Variants in DSCAML1 observed in about 807,000 individuals in gnomAD.
DSCAML1 encodes the protein DS cell adhesion molecule like 1.
A neutral mutation model predicts 200.5 loss-of-function variants in DSCAML1; 38 were observed. The ratio of observed to expected loss-of-function variants is 0.19; its 90% confidence interval spans 0.15 to 0.25. DSCAML1 has a LOEUF of 0.25. DSCAML1 is among the 10% of genes least tolerant of loss of function. The probability of loss-of-function intolerance (pLI) is 1.00; values close to 1 mark genes in which losing one functional copy is unlikely to be tolerated. For missense variants in DSCAML1, 2,223 were observed against 2,858.8 expected (o/e 0.78, Z 5.07); for synonymous variants, 1,215 against 1,165.0 (o/e 1.04, Z -0.87).
intron 3 of DSCAML1, among the ~76,000 whole-genome samples, chr11:117,691,834 A>G (rs1196829621): frequency 6.6e-6 from 1 of 152,032 alleles, no homozygotes; most frequent in Admixed American, 6.5e-5. Context: ...CATTTCCACA[A>G]GCTCTGGCTT....
At chr11:117,497,905 C>T (rs1270518927) in intron 11 of DSCAML1, among the ~76,000 whole-genome samples, 3 of 152,262 alleles carry the variant, frequency 2.0e-5, no homozygotes, top group African/African-American at 7.2e-5. Context: ...CTGCTGCTTG[C>T]AGATGCAGCA....
At chr11:117,509,579 C>G (rs2049577730) in intron 8 of DSCAML1, among the ~76,000 whole-genome samples, 1 of 152,192 alleles carries the variant, frequency 6.6e-6, no homozygotes, top group African/African-American at 2.4e-5. Context: ...ACACACCGGG[C>G]AGCCTGGAGG....
chr11:117,720,006 G>C (rs893743694), intron 3 of DSCAML1, among the ~76,000 whole-genome samples: 1 of 152,152 alleles, frequency 6.6e-6, no homozygotes, highest in Non-Finnish European at 1.5e-5. Context: ...TTGAAATCTG[G>C]ACATGAAAGC....
rs11216409 is a variant in DSCAML1, at chr11:117,467,196, T to A, written c.3025-2014A>T. ...GCACGCATGCGCGTGCACACACACCTCCCCCCTCCCCCCGCCGCCAATATA... is the reference window on the plus strand; with the variant it reads ...GCACGCATGCGCGTGCACACACACCACCCCCCTCCCCCCGCCGCCAATATA... On this transcript the variant is annotated intron_variant, in intron 16 of 32. Coordinates refer to ENST00000651296, the MANE Select transcript of DSCAML1 (RefSeq NM_020693.4). Among the ~76,000 whole-genome samples, 486 of 114,324 alleles carry A rather than the reference T, an allele frequency of 4.3e-3. 30 individuals carry two copies. The highest frequency in any genetic ancestry group is 0.033 in the South Asian group (122 of 3,700). The allele number at this position is 114,324 out of a possible 152,430, so 75.0% of individuals were successfully genotyped here.
At chr11:117,576,844 A>C (rs1303728266) in intron 3 of DSCAML1, among the ~76,000 whole-genome samples, 1 of 152,200 alleles carries the variant, frequency 6.6e-6, no homozygotes, top group East Asian at 1.9e-4. Context: ...GATAATCCAA[A>C]TGCAGATAAT....
At chr11:117,542,462 A>C (rs2050290900) in intron 3 of DSCAML1, among the ~76,000 whole-genome samples, 1 of 152,140 alleles carries the variant, frequency 6.6e-6, no homozygotes, top group South Asian at 2.1e-4. Context: ...GGGGAGCTCA[A>C]TCTCTTACAC....
chr11:117,438,093 G>T lies in DSCAML1; in HGVS notation c.4244-10C>A, dbSNP rs762572258. ...TACTGTAGCACGAAGCCTGCGGAGG[G>T]TAGGCCTGATTCAGGTGGGGGCAGG... On this transcript the variant is annotated splice_polypyrimidine_tract_variant and intron_variant, in intron 24 of 32. Transcript: ENST00000651296. 20 of 1,599,476 alleles carry T rather than the reference G, an allele frequency of 1.3e-5. No homozygotes were observed. The highest frequency in any genetic ancestry group is 1.7e-5 in the Non-Finnish European group (20 of 1,169,676).
intron 3 of DSCAML1, among the ~76,000 whole-genome samples, chr11:117,755,852 C>T (rs1288669885): frequency 1.3e-5 from 2 of 152,064 alleles, no homozygotes; most frequent in African/African-American, 4.8e-5. Context: ...AGACATTGCA[C>T]CTGTACCCCT....
intron 3 of DSCAML1, among the ~76,000 whole-genome samples, chr11:117,578,752 C>T (rs2050993577): frequency 6.6e-6 from 1 of 152,184 alleles, no homozygotes; most frequent in African/African-American, 2.4e-5. Flanking sequence ...TAGACTCTCT[C>T]CTATGGCTGG....
intron 11 of DSCAML1, among the ~76,000 whole-genome samples, chr11:117,497,302 T>G (rs2049307710): frequency 6.6e-6 from 1 of 152,164 alleles, no homozygotes. Flanking sequence ...TTCTGTCCCC[T>G]AAATGAACCA....
chr11:117,749,346 C>T (rs1320063150), intron 3 of DSCAML1, among the ~76,000 whole-genome samples: 5 of 152,320 alleles, frequency 3.3e-5, no homozygotes, highest in Middle Eastern at 3.4e-3. Context: ...GTACAGAGAA[C>T]GAGCCTTCCT....
chr11:117,564,755 CTCTT>C (rs372536312), intron 3 of DSCAML1, among the ~76,000 whole-genome samples: 3,808 of 148,590 alleles, frequency 0.026, 162 homozygotes, highest in African/African-American at 0.088. Context: ...TTCTCTCTCT[CTCTT>C]TCTTTCTTTC....
chr11:117,465,942 G>A (rs536854765), intron 16 of DSCAML1, among the ~76,000 whole-genome samples: 153 of 152,240 alleles, frequency 1.0e-3, no homozygotes, highest in Non-Finnish European at 1.8e-3. Context: ...TAACAATAAT[G>A]GAAAATAAGT....
intron 3 of DSCAML1, among the ~76,000 whole-genome samples, chr11:117,762,129 C>T (rs2054814798): frequency 6.6e-6 from 1 of 152,238 alleles, no homozygotes. Flanking sequence ...CCCTAGTTTC[C>T]TCATCTGAAC....
chr11:117,592,200 C>G (rs1320393842), intron 3 of DSCAML1, among the ~76,000 whole-genome samples: 1 of 152,122 alleles, frequency 6.6e-6, no homozygotes, highest in Admixed American at 6.5e-5. Flanking sequence ...CTGGTTTTGT[C>G]ATCTTACACC....
intron 3 of DSCAML1, among the ~76,000 whole-genome samples, chr11:117,550,656 C>T (rs541121900): frequency 4.6e-5 from 7 of 152,334 alleles, no homozygotes; most frequent in East Asian, 1.9e-4. Flanking sequence ...TCCCTGGACA[C>T]GCACTGCCTC....
At chr11:117,431,891 AGAG>A (rs547363767) in intron 30 of DSCAML1, among the ~76,000 whole-genome samples, 163 bp from the exon 31 acceptor site, 73 of 152,166 alleles carry the variant, frequency 4.8e-4, no homozygotes, top group African/African-American at 1.5e-3. Context: ...CGCTGTCCCC[AGAG>A]GAGAAGAGCA....
Position 117,481,950 on chromosome 11 carries a change from TG to T in DSCAML1, c.2559+12del, listed in dbSNP as rs771923220. 5 of 1,613,444 alleles carry T rather than the reference TG, an allele frequency of 3.1e-6. No individual in the cohort carries two copies. In the South Asian group the frequency reaches 5.5e-5, roughly 18 times the overall value. On this transcript the variant is annotated intron_variant, in intron 12 of 32. Transcript: ENST00000651296. ...GAGTTGGGGTCCCCCAGCACTGAGG[TG>T]GGGGTGCTCACCTTCAGTGTGGAGA...
At chr11:117,684,187 T>C (rs2053361086) in intron 3 of DSCAML1, among the ~76,000 whole-genome samples, 1 of 152,092 alleles carries the variant, frequency 6.6e-6, no homozygotes, top group East Asian at 1.9e-4. Flanking sequence ...TGTGCCCATG[T>C]GCCAATCACA....
Sources: allele counts gnomAD v4.1 joint callset (sites outside exome capture counted in the v4.1 genomes callset), GRCh38; gene constraint gnomAD v4.1.1; transcripts MANE v1.5; gene names NCBI Gene and HGNC (gene_info 2026-07-23, HGNC 2026-07-21).